The following CDH4 variants were observed in gnomAD, a reference collection of about 807,000 sequenced individuals.
CDH4 encodes cadherin-4.
A neutral mutation model predicts 86.0 loss-of-function variants in CDH4; 33 were observed. The ratio of observed to expected loss-of-function variants is 0.38; its 90% CI spans 0.29 to 0.51. CDH4 has a LOEUF of 0.51. Among genes scored for constraint, CDH4 ranks in the 20% least tolerant of loss-of-function variants. The pLI is 0.86. For missense variants in CDH4, 1,114 were observed against 1,307.4 expected (o/e 0.85, Z 2.28); for synonymous variants, 555 against 549.4 (o/e 1.01, Z -0.14).
chr20:61,804,344 G>C (rs1667988786), intron 4 of CDH4, among the ~76,000 whole-genome samples: 1 of 152,182 alleles, frequency 6.6e-6, no homozygotes, highest in African/African-American at 2.4e-5. Context: ...GAAGTGACAG[G>C]AGAGGCAAAG....
chr20:61,253,530 G>T (rs1306286330), intron 1 of CDH4, among the ~76,000 whole-genome samples: 1 of 152,076 alleles, frequency 6.6e-6, no homozygotes, highest in East Asian at 1.9e-4. Context: ...TGCCAGCGGC[G>T]GGAGGCCCGC....
chr20:61,274,018 G>T (rs2084206472), intron 2 of CDH4, among the ~76,000 whole-genome samples: 1 of 147,138 alleles, frequency 6.8e-6, no homozygotes. Context: ...CACAGTTTGG[G>T]GGAGTACCGT....
chr20:61,697,617 A>G (rs1417198632), intron 2 of CDH4, among the ~76,000 whole-genome samples: 4 of 152,168 alleles, frequency 2.6e-5, no homozygotes, highest in Non-Finnish European at 4.4e-5. Flanking sequence ...GGAACAAAAA[A>G]AAGGAAATCC....
At chr20:61,373,356 C>G (rs1288330977) in intron 2 of CDH4, among the ~76,000 whole-genome samples, 1 of 152,210 alleles carries the variant, frequency 6.6e-6, no homozygotes, top group Non-Finnish European at 1.5e-5. Flanking sequence ...GGCTTGCACC[C>G]GTTGAATGAA....
In CDH4 at chr20:61,440,248, G is replaced by A. The variant is rs539933444; in HGVS notation, c.169+185311G>A. Among the ~76,000 whole-genome samples the A allele has an allele frequency of 7.9e-5, 12 of 152,334 alleles. No homozygotes were observed. In the South Asian group the frequency reaches 1.9e-3, roughly 24 times the overall value. ...AGGCAGAGATCCAGTTAGCCCATGA[G>A]AGTAGAAGACACTTACTGAAGTGAT... On this transcript the variant is annotated intron_variant, in intron 2 of 15. Transcript: ENST00000614565.
At chr20:61,818,722 C>T (rs535851199) in intron 4 of CDH4, among the ~76,000 whole-genome samples, 1 of 151,798 alleles carries the variant, frequency 6.6e-6, no homozygotes, top group East Asian at 1.9e-4. Flanking sequence ...AGTTGCTCTC[C>T]GCGTCTTGTA....
In CDH4 at chr20:61,377,709, A is replaced by T. The variant is rs80206739; in HGVS notation, c.169+122772A>T. Reference sequence around the variant, plus strand: ...AAGTCTTAGGCTGTTAATGTGCCATAACCACTGGCTCCAAGCAATTCTTCA... The same window carrying T: ...AAGTCTTAGGCTGTTAATGTGCCATTACCACTGGCTCCAAGCAATTCTTCA... On this transcript the variant is annotated intron_variant, in intron 2 of 15. Coordinates refer to ENST00000614565, the MANE Select transcript of CDH4 (RefSeq NM_001794.5). The surrounding 1 kb of genome is among the most constrained non-coding windows in gnomAD (Gnocchi z 4.0). Among the ~76,000 whole-genome samples, 2,051 of 152,336 alleles carry T rather than the reference A, an allele frequency of 0.013. 20 individuals are homozygous for T. Among genetic ancestry groups the T allele is most frequent in the Non-Finnish European group, 0.021 (1,420 of 68,028 alleles).
intron 2 of CDH4, among the ~76,000 whole-genome samples, chr20:61,468,364 CTTTCTCTT>C (rs2085485004): frequency 6.6e-6 from 1 of 151,972 alleles, no homozygotes; most frequent in African/African-American, 2.4e-5. Flanking sequence ...AGGTTAAATT[CTTTCTCTT>C]TCTCTTTCTT....
At chr20:61,378,582 AG>A (rs1207544158) in intron 2 of CDH4, among the ~76,000 whole-genome samples, 5 of 152,150 alleles carry the variant, frequency 3.3e-5, no homozygotes, top group Non-Finnish European at 7.3e-5. Flanking sequence ...TGTCTTTCAT[AG>A]GAACACCTGT....
chr20:61,542,669 G>C (rs973362097), intron 2 of CDH4, among the ~76,000 whole-genome samples: 1 of 152,126 alleles, frequency 6.6e-6, no homozygotes, highest in African/African-American at 2.4e-5. Context: ...GAAACACAAG[G>C]GAATATTTAT....
chr20:61,786,141 C>T (rs1978866348), intron 4 of CDH4, among the ~76,000 whole-genome samples: 1 of 152,158 alleles, frequency 6.6e-6, no homozygotes, highest in Admixed American at 6.5e-5. Context: ...AACAAGGACC[C>T]TTGAGAAAGT....
chr20:61,565,266 G>C (rs1487662088), intron 2 of CDH4, among the ~76,000 whole-genome samples: 13 of 121,202 alleles, frequency 1.1e-4, no homozygotes, highest in Non-Finnish European at 2.4e-4. Context: ...GATGGTGGTG[G>C]TGGTCCTCTT....
intron 2 of CDH4, among the ~76,000 whole-genome samples, chr20:61,576,065 A>AAG (rs2086380275): frequency 6.6e-6 from 1 of 152,158 alleles, no homozygotes; most frequent in Non-Finnish European, 1.5e-5. Context: ...GGGAAGATGA[A>AAG]AGAGGGGGTC....
intron 2 of CDH4, among the ~76,000 whole-genome samples, chr20:61,559,913 C>G (rs1351018041): frequency 6.6e-6 from 1 of 152,184 alleles, no homozygotes; most frequent in African/African-American, 2.4e-5. Context: ...GCTGACCTGG[C>G]CTTCCTCGGA....
chr20:61,872,338 A>C (rs935715052), intron 6 of CDH4, among the ~76,000 whole-genome samples: 2 of 152,236 alleles, frequency 1.3e-5, no homozygotes, highest in South Asian at 4.1e-4. Flanking sequence ...CCAGAGGGCC[A>C]GGACGGGGCT....
chr20:61,289,447 G>A (rs2084310384), intron 2 of CDH4, among the ~76,000 whole-genome samples: 2 of 152,232 alleles, frequency 1.3e-5, no homozygotes, highest in Admixed American at 1.3e-4. Context: ...CGTGCCACCA[G>A]CGCATGCCAA....
chr20:61,647,039 A>G (rs566524191), intron 2 of CDH4, among the ~76,000 whole-genome samples: 91 of 152,298 alleles, frequency 6.0e-4, no homozygotes, highest in African/African-American at 2.1e-3. Context: ...GTTGTTCTTG[A>G]CAATTATGCA....
chr20:61,478,390 A>T (rs1442651026), intron 2 of CDH4, among the ~76,000 whole-genome samples: 1 of 149,742 alleles, frequency 6.7e-6, no homozygotes, highest in Non-Finnish European at 1.5e-5. Flanking sequence ...CTTGTGGAGC[A>T]ATGAGGTTTC....
At chr20:61,892,110 A>G (rs1169971959) in intron 7 of CDH4, among the ~76,000 whole-genome samples, 1 of 152,158 alleles carries the variant, frequency 6.6e-6, no homozygotes, top group Non-Finnish European at 1.5e-5. Context: ...TGTCAATAAA[A>G]CTTTATTTAC....
Sources: allele counts gnomAD v4.1 joint callset (sites outside exome capture counted in the v4.1 genomes callset), GRCh38; gene constraint gnomAD v4.1.1; non-coding constraint Gnocchi (gnomAD v3.1); transcripts MANE v1.5; gene names NCBI Gene and HGNC (gene_info 2026-07-23, HGNC 2026-07-21).